CALN1: variants seen among roughly 807,000 people sequenced by gnomAD.
The protein encoded by CALN1 is calcium-binding protein 8.
Under a neutral mutation model 30.6 loss-of-function variants are expected in CALN1, and 17 were observed. The ratio of observed to expected loss-of-function variants is 0.56; its 90% CI spans 0.38 to 0.83. The LOEUF (loss-of-function observed/expected upper bound fraction) is 0.83, where lower values mean the gene tolerates loss of function less well. Among genes scored for constraint, CALN1 ranks in the 40% least tolerant of loss-of-function variants. The pLI, the probability that CALN1 is intolerant of heterozygous loss-of-function variation, is 0.00. For missense variants in CALN1, 291 were observed against 354.9 expected (o/e 0.82, Z 1.45); for synonymous variants, 156 against 131.4 (o/e 1.19, Z -1.28).
At chr7:72,504,024 G>A in the CALN1 span, among the ~76,000 whole-genome samples, 3 of 152,210 alleles carry the variant, frequency 2.0e-5, no homozygotes, top group Non-Finnish European at 2.9e-5. Flanking sequence ...GGAGAGAGAG[G>A]AAAATAACGA....
At chr7:71,853,848 G>A (rs922767977) in intron 5 of CALN1, among the ~76,000 whole-genome samples, 4 of 152,158 alleles carry the variant, frequency 2.6e-5, no homozygotes, top group African/African-American at 9.7e-5. Flanking sequence ...CCAAAGTGCT[G>A]GGATTACAGG....
intron 1 of CALN1, among the ~76,000 whole-genome samples, chr7:72,408,267 TATTAAA>T (rs1764479935): frequency 9.5e-6 from 1 of 105,600 alleles, no homozygotes; most frequent in Admixed American, 9.3e-5. Flanking sequence ...ACCCCATCTC[TATTAAA>T]AAAAAAAAAA....
the CALN1 span, among the ~76,000 whole-genome samples, chr7:72,502,233 G>T: frequency 6.7e-6 from 1 of 149,396 alleles, no homozygotes; most frequent in African/African-American, 2.4e-5. Flanking sequence ...TTGCTTGTGG[G>T]GCGGGGAGGA....
intron 1 of CALN1, among the ~76,000 whole-genome samples, chr7:72,418,754 A>G (rs1807510256): frequency 6.6e-6 from 1 of 152,158 alleles, no homozygotes; most frequent in South Asian, 2.1e-4. Flanking sequence ...GCTTGCACCT[A>G]TAACCCCAGC....
At chr7:72,193,191 A>G (rs1790750437) in intron 3 of CALN1, among the ~76,000 whole-genome samples, 2 of 100,618 alleles carry the variant, frequency 2.0e-5, no homozygotes, top group Admixed American at 1.0e-4. Context: ...CCATCTCAAA[A>G]AAAAAGAAAA....
chr7:72,354,873 G>C (rs1803132031), intron 2 of CALN1, among the ~76,000 whole-genome samples: 1 of 151,140 alleles, frequency 6.6e-6, no homozygotes, highest in Admixed American at 6.6e-5. Flanking sequence ...TTGAGAACTT[G>C]AGTAAGCAAA....
At chr7:71,922,863 T>C (rs1376445134) in intron 5 of CALN1, among the ~76,000 whole-genome samples, 2 of 130,306 alleles carry the variant, frequency 1.5e-5, no homozygotes, top group East Asian at 2.1e-4. Flanking sequence ...ATACACAATG[T>C]ATATTAATAT....
intron 5 of CALN1, among the ~76,000 whole-genome samples, chr7:71,925,530 C>T (rs565444246): frequency 6.7e-6 from 1 of 148,416 alleles, no homozygotes; most frequent in African/African-American, 2.5e-5. Flanking sequence ...TCTGGAAAGT[C>T]ATTATTTGTC....
At chr7:72,419,334 C>T (rs939493873) in intron 1 of CALN1, among the ~76,000 whole-genome samples, 1 of 152,100 alleles carries the variant, frequency 6.6e-6, no homozygotes, top group Non-Finnish European at 1.5e-5. Flanking sequence ...CAGTCACTCC[C>T]TAGTCCTTCT....
At chr7:72,449,874 CAAAAAAAAAAA>C (rs71069071), upstream of CALN1, among the ~76,000 whole-genome samples, 33 of 52,320 alleles carry the variant, frequency 6.3e-4, no homozygotes, top group Admixed American at 1.1e-3. Context: ...GACTCCGTCT[CAAAAAAAAAAA>C]AAAAAAAAAA....
chr7:72,253,237 T>C (rs1215537429), intron 3 of CALN1, among the ~76,000 whole-genome samples: 1 of 152,246 alleles, frequency 6.6e-6, no homozygotes, highest in Non-Finnish European at 1.5e-5. Flanking sequence ...CTAATGCAAA[T>C]TTTTGATCAT....
At chr7:71,975,889 G>T (rs1400175839) in intron 5 of CALN1, among the ~76,000 whole-genome samples, 1 of 149,732 alleles carries the variant, frequency 6.7e-6, no homozygotes, top group Non-Finnish European at 1.5e-5. Context: ...ATTAGGTTAG[G>T]TTGGTGCCAA....
chr7:71,897,972 CAAA>C (rs1207497270), intron 5 of CALN1, among the ~76,000 whole-genome samples: 2 of 59,044 alleles, frequency 3.4e-5, no homozygotes, highest in Non-Finnish European at 2.7e-5. Flanking sequence ...AAACAAAAAA[CAAA>C]AAAAAAAAAA....
intron 5 of CALN1, among the ~76,000 whole-genome samples, chr7:71,888,804 G>A (rs1281684760): frequency 1.3e-5 from 2 of 152,268 alleles, no homozygotes; most frequent in Non-Finnish European, 2.9e-5. Flanking sequence ...GAGGAGAAAG[G>A]GGAGGAGGGC....
intron 2 of CALN1, among the ~76,000 whole-genome samples, chr7:72,325,347 T>C (rs1801194687): frequency 6.6e-6 from 1 of 152,024 alleles, no homozygotes; most frequent in Non-Finnish European, 1.5e-5. Context: ...ATGCCTGTAA[T>C]TCCAGCACTT....
Position 71,847,719 on chromosome 7 carries a change from G to GAAGAAAGAAGAAAGAAGAAAGAAGA in CALN1, c.502-37228_502-37227insTCTTCTTTCTTCTTTCTTCTTTCTT, listed in dbSNP as rs71092924. Among the ~76,000 whole-genome samples the GAAGAAAGAAGAAAGAAGAAAGAAGA allele has an allele frequency of 1.8e-3, 215 of 120,538 alleles. 4 individuals are homozygous for GAAGAAAGAAGAAAGAAGAAAGAAGA. The highest frequency in any genetic ancestry group is 0.014 in the East Asian group (51 of 3,626). 79.1% of individuals were successfully genotyped at this position (120,538 alleles called of 152,430 possible). On this transcript the variant is annotated intron_variant, in intron 5 of 6. Transcript: ENST00000395275. The stretch of plus-strand genomic sequence containing the variant: ...GGAAGAAGAAAGAAGAAAGAAGAAA[G>GAAGAAAGAAGAAAGAAGAAAGAAGA]AAGAAGAAAGAAGAAAGAAGAAAGA...
chr7:72,466,911 G>A, the CALN1 span, among the ~76,000 whole-genome samples: 1 of 152,098 alleles, frequency 6.6e-6, no homozygotes, highest in African/African-American at 2.4e-5. Flanking sequence ...GAGAAAGAAA[G>A]AAAGAAAATG....
intron 2 of CALN1, among the ~76,000 whole-genome samples, chr7:72,399,273 T>TG (rs1230941111): frequency 4.2e-5 from 6 of 142,066 alleles, no homozygotes; most frequent in African/African-American, 1.6e-4. Flanking sequence ...CCTATTGCTT[T>TG]TTTTTTTTTT....
At chr7:72,297,150 G>T (rs1798922668) in intron 2 of CALN1, among the ~76,000 whole-genome samples, 1 of 152,110 alleles carries the variant, frequency 6.6e-6, no homozygotes. Context: ...TGGTTTCAAA[G>T]AACATCTTTA....
Sources: gnomAD v4.1 joint callset for allele counts (sites outside exome capture counted in the v4.1 genomes callset) on GRCh38, gnomAD v4.1.1 for gene constraint, MANE v1.5 for transcripts, NCBI Gene and HGNC (gene_info 2026-07-23, HGNC 2026-07-21) for gene names.